The following TASP1 variants were observed in gnomAD, a reference collection of about 807,000 sequenced individuals.
The protein encoded by TASP1 is threonine aspartase 1.
TASP1 carries 16 observed loss-of-function variants against 56.6 expected under a neutral mutation model. The ratio of observed to expected loss-of-function variants is 0.28; its 90% CI spans 0.19 to 0.43. The LOEUF (loss-of-function observed/expected upper bound fraction) is 0.43. Among genes scored for constraint, TASP1 ranks in the 20% least tolerant of loss-of-function variants. TASP1 has a pLI of 1.00. For missense variants in TASP1, 393 were observed against 511.6 expected (o/e 0.77, Z 2.24); for synonymous variants, 179 against 184.2 (o/e 0.97, Z 0.23).
intron 9 of TASP1, among the ~76,000 whole-genome samples, chr20:13,531,486 CTT>C (rs148240627): frequency 0.2 from 28,311 of 142,120 alleles, 2,557 homozygotes; most frequent in Middle Eastern, 0.28. Context: ...ATTTCTTATC[CTT>C]TTTTTTTTTT....
At chr20:13,152,830 A>T in the TASP1 span, among the ~76,000 whole-genome samples, 3 of 152,186 alleles carry the variant, frequency 2.0e-5, no homozygotes, top group African/African-American at 4.8e-5. Context: ...AAAAGGCACA[A>T]TCTGGGGCCA....
the TASP1 span, among the ~76,000 whole-genome samples, chr20:13,195,159 C>T: frequency 6.6e-6 from 1 of 152,264 alleles, no homozygotes; most frequent in African/African-American, 2.4e-5. Flanking sequence ...TGGCAAAAAC[C>T]ACAATTACTT....
chr20:13,193,688 A>T, the TASP1 span, among the ~76,000 whole-genome samples: 2 of 152,238 alleles, frequency 1.3e-5, no homozygotes, highest in East Asian at 3.8e-4. Context: ...GCTGCTCAAC[A>T]GTGTCATCAA....
chr20:13,449,112 T>C (rs2043520846), intron 11 of TASP1, among the ~76,000 whole-genome samples: 1 of 152,002 alleles, frequency 6.6e-6, no homozygotes, highest in Non-Finnish European at 1.5e-5. Context: ...AACTATCTTA[T>C]GGTATCTACA....
At chr20:13,257,518 T>C in the TASP1 span, among the ~76,000 whole-genome samples, 32 of 152,182 alleles carry the variant, frequency 2.1e-4, no homozygotes, top group Non-Finnish European at 4.3e-4. Context: ...TGAATAGCTC[T>C]CATGTTTACA....
intron 8 of TASP1, among the ~76,000 whole-genome samples, chr20:13,543,620 A>G (rs947682253): frequency 1.3e-5 from 2 of 152,094 alleles, no homozygotes; most frequent in Non-Finnish European, 2.9e-5. Flanking sequence ...GATTTCTTGA[A>G]TCACTTCCCG....
the TASP1 span, among the ~76,000 whole-genome samples, chr20:13,221,183 G>C: frequency 6.6e-6 from 1 of 150,586 alleles, no homozygotes; most frequent in African/African-American, 2.5e-5. Flanking sequence ...GGCGCCAAGC[G>C]TGGAGGTAAC....
At chr20:13,296,941 C>A in the TASP1 span, among the ~76,000 whole-genome samples, 1 of 152,190 alleles carries the variant, frequency 6.6e-6, no homozygotes, top group South Asian at 2.1e-4. Flanking sequence ...TTGCTTGAAC[C>A]CGGGCAGCAG....
intron 10 of TASP1, among the ~76,000 whole-genome samples, chr20:13,525,054 T>C (rs547014507): frequency 1.3e-5 from 2 of 152,164 alleles, no homozygotes; most frequent in African/African-American, 2.4e-5. Context: ...GCAACCACCA[T>C]GCATTAAGTG....
At chr20:13,384,536 C>T (rs538195179), downstream of TASP1, among the ~76,000 whole-genome samples, 65 of 152,222 alleles carry the variant, frequency 4.3e-4, no homozygotes, top group Middle Eastern at 6.8e-3. Flanking sequence ...ATTTGGTCAG[C>T]CTGTGAGTTT....
chr20:13,567,226 C>T (rs1488185337), intron 7 of TASP1, among the ~76,000 whole-genome samples: 1 of 151,768 alleles, frequency 6.6e-6, no homozygotes. Flanking sequence ...GATGGAAACA[C>T]ATGGACACAC....
At chr20:13,538,658 A>T (rs1389121787) in intron 8 of TASP1, among the ~76,000 whole-genome samples, 1 of 152,218 alleles carries the variant, frequency 6.6e-6, no homozygotes, top group East Asian at 1.9e-4. Flanking sequence ...GCTACAGGAC[A>T]TCTAGACCTA....
chr20:13,281,882 A>G, the TASP1 span, among the ~76,000 whole-genome samples: 1 of 152,184 alleles, frequency 6.6e-6, no homozygotes, highest in Admixed American at 6.5e-5. Flanking sequence ...ATTCAGTTGC[A>G]TGTTTAAAAA....
the TASP1 span, among the ~76,000 whole-genome samples, chr20:13,200,771 G>T: frequency 2.6e-5 from 4 of 152,232 alleles, no homozygotes; most frequent in African/African-American, 9.6e-5. Flanking sequence ...TCTGGATTAT[G>T]TTACCAAAGG....
intron 11 of TASP1, among the ~76,000 whole-genome samples, chr20:13,473,041 C>T (rs144187430): frequency 0.055 from 8,265 of 150,884 alleles, 332 homozygotes; most frequent in African/African-American, 0.11. Flanking sequence ...TGCACACATA[C>T]GTTTATTTCA....
the TASP1 span, among the ~76,000 whole-genome samples, chr20:13,247,115 C>T: frequency 1.1e-4 from 16 of 152,118 alleles, no homozygotes; most frequent in African/African-American, 1.2e-4. Flanking sequence ...CTTGTAATCC[C>T]AGCTACTTGG....
intron 4 of TASP1, among the ~76,000 whole-genome samples, chr20:13,594,670 T>C (rs2047661637): frequency 6.6e-6 from 1 of 151,882 alleles, no homozygotes; most frequent in Admixed American, 6.6e-5. Context: ...AAGACAAGAA[T>C]AGAGAAAAAA....
the TASP1 span, among the ~76,000 whole-genome samples, chr20:13,143,327 T>A: frequency 6.6e-6 from 1 of 152,292 alleles, no homozygotes; most frequent in East Asian, 1.9e-4. Context: ...CCATAGAATT[T>A]TTCAAATAAA....
the TASP1 span, among the ~76,000 whole-genome samples, chr20:13,179,377 G>C: frequency 6.7e-6 from 1 of 149,736 alleles, no homozygotes; most frequent in South Asian, 2.1e-4. Context: ...AACTATACTA[G>C]ATTTTCTTTG....
Sources: gnomAD v4.1 joint callset for allele counts (sites outside exome capture counted in the v4.1 genomes callset) on GRCh38, gnomAD v4.1.1 for gene constraint, MANE v1.5 for transcripts, NCBI Gene and HGNC (gene_info 2026-07-23, HGNC 2026-07-21) for gene names.